Variants in UACA observed in about 807,000 individuals in gnomAD.
UACA encodes nuclear membrane binding protein.
A neutral mutation model predicts 160.5 loss-of-function variants in UACA; 112 were observed. The ratio of observed to expected loss-of-function variants is 0.70; its 90% confidence interval spans 0.60 to 0.82. The LOEUF is 0.82. UACA is among the 40% of genes least tolerant of loss of function. The pLI is 0.00. For synonymous variants in UACA, 557 were observed against 568.4 expected, an observed-to-expected ratio of 0.98 and a Z score of 0.29; for missense variants, 1,574 against 1,614.6, an observed-to-expected ratio of 0.97 and a Z score of 0.43.
intron 1 of UACA, among the ~76,000 whole-genome samples, chr15:70,748,556 T>C: frequency 6.6e-6 from 1 of 152,102 alleles, no homozygotes; most frequent in East Asian, 1.9e-4. Context: ...ATTTATAGAG[T>C]GCAGGTCCTT....
At chr15:70,770,318 G>A in the UACA span, among the ~76,000 whole-genome samples, 1 of 152,090 alleles carries the variant, frequency 6.6e-6, no homozygotes, top group East Asian at 1.9e-4. Flanking sequence ...ATATACAGTA[G>A]CATTATTCTG....
intron 1 of UACA, among the ~76,000 whole-genome samples, chr15:70,725,851 GAAGA>G (rs1465579746): frequency 3.9e-5 from 6 of 152,102 alleles, no homozygotes; most frequent in Non-Finnish European, 7.4e-5. Context: ...AACTTTGCTA[GAAGA>G]AAGAACCTGA....
chr15:70,769,938 C>T, the UACA span, among the ~76,000 whole-genome samples: 1 of 152,058 alleles, frequency 6.6e-6, no homozygotes, highest in Non-Finnish European at 1.5e-5. Context: ...CAGAGGTTGC[C>T]ATGAGCAGAG....
intron 1 of UACA, among the ~76,000 whole-genome samples, chr15:70,714,281 C>T (rs1336980552): frequency 6.6e-6 from 1 of 152,170 alleles, no homozygotes; most frequent in Non-Finnish European, 1.5e-5. Context: ...CTCCCACTTA[C>T]ATAACAGCAA....
chr15:70,703,878 C>T (rs1898450560), intron 1 of UACA, among the ~76,000 whole-genome samples: 1 of 152,132 alleles, frequency 6.6e-6, no homozygotes, highest in South Asian at 2.1e-4. Flanking sequence ...AGGTTCTTCC[C>T]TCCCCTACTT....
At chr15:70,749,171 C>A in intron 1 of UACA, 1 of 428,184 alleles carries the variant, frequency 2.3e-6, no homozygotes, top group Non-Finnish European at 4.7e-6. Flanking sequence ...CAGGTGGATC[C>A]TAGTTCATTG....
At chr15:70,766,919 A>G (rs559026862), upstream of UACA, among the ~76,000 whole-genome samples, 6 of 152,202 alleles carry the variant, frequency 3.9e-5, no homozygotes, top group Non-Finnish European at 7.3e-5. Flanking sequence ...ACGATGACAA[A>G]TATGATTTCT....
rs748668041 is a variant in UACA, at chr15:70,669,236, C to T, written c.1448G>A (p.Arg483Lys). 4 of 1,614,000 alleles carry T rather than the reference C, an allele frequency of 2.5e-6. No homozygotes were observed. The highest frequency in any genetic ancestry group is 1.7e-5 in the Admixed American group (1 of 60,012). Reference sequence around the variant, plus strand: ...CTGTTCATCTGAATCCTCCTTGACCCTTTCACATTCTAATGCTAAAGCTTT... The same window carrying T: ...CTGTTCATCTGAATCCTCCTTGACCTTTTCACATTCTAATGCTAAAGCTTT... ...ECKALALECE[R>K]VKEDSDEQIK... The change falls in exon 16 of 19, where the codon AGG (arginine) becomes AAG (lysine). Residue 483 changes from arginine (R) to lysine (K), a missense_variant. Transcript: ENST00000322954.
intron 1 of UACA, among the ~76,000 whole-genome samples, chr15:70,701,143 T>C (rs1475090970): frequency 6.6e-6 from 1 of 152,168 alleles, no homozygotes; most frequent in Non-Finnish European, 1.5e-5. Flanking sequence ...CTGGTTCAAG[T>C]ACCTACACAG....
chr15:70,664,873 T>A, intron 16 of UACA, 59 bp from the exon 17 acceptor site: 2 of 1,438,814 alleles, frequency 1.4e-6, no homozygotes, highest in Non-Finnish European at 1.9e-6. Flanking sequence ...AATGAACATC[T>A]TTGTACAGAA....
rs1276070195 is a variant in UACA at position 70,676,485 on chromosome 15, T to C, written c.1131+8A>G. ...TGAATTACAGGAAATAATTTATCCT[T>C]TCTATACCTCAAAATATTTAAATCT... On this transcript the variant is annotated splice_region_variant and intron_variant, in intron 13 of 18. Transcript: ENST00000322954. 1.9e-6 allele frequency: 3 copies of C among 1,577,398 alleles called. No homozygotes were observed. The highest frequency in any genetic ancestry group is 2.6e-6 in the Non-Finnish European group (3 of 1,149,724).
chr15:70,676,805 ATC>A (rs1217787912), intron 12 of UACA, among the ~76,000 whole-genome samples: 2 of 152,178 alleles, frequency 1.3e-5, no homozygotes, highest in South Asian at 2.1e-4. Flanking sequence ...AAAAATTCAA[ATC>A]TCTGTTTTCA....
chr15:70,669,069 T>A lies in UACA; in HGVS notation c.1615A>T (p.Thr539Ser). 1 of 1,614,124 alleles carries A rather than the reference T, an allele frequency of 6.2e-7. No homozygotes were observed. Among genetic ancestry groups the A allele is most frequent in the Non-Finnish European group, 8.5e-7 (1 of 1,180,016 alleles). The change falls in exon 16 of 19, where the codon ACC becomes TCC. Residue 539 changes from threonine to serine, a missense_variant. Coordinates refer to ENST00000322954, the MANE Select transcript of UACA (RefSeq NM_018003.4). ...TTCAACTGATCCTTCAGTTCCTCGG[T>A]TAGTCTGTGATTCCCTGAGGCTGCT... is the stretch of plus-strand genomic sequence containing the variant. ...SEAASGNHRLTEELKDQLKDL... is the reference protein window; with the variant it reads ...SEAASGNHRLSEELKDQLKDL...
intron 1 of UACA, among the ~76,000 whole-genome samples, chr15:70,740,033 A>G (rs2141001307): frequency 6.6e-6 from 1 of 152,340 alleles, no homozygotes; most frequent in South Asian, 2.1e-4. Flanking sequence ...CAACAAATCA[A>G]AATATACCTT....
intron 7 of UACA, among the ~76,000 whole-genome samples, chr15:70,685,972 G>A (rs138280132): frequency 0.015 from 2,316 of 151,878 alleles, 62 homozygotes; most frequent in African/African-American, 0.053. Flanking sequence ...ATGTGGTTTC[G>A]CCATGTTGGC....
the UACA span, among the ~76,000 whole-genome samples, chr15:70,777,251 A>G: frequency 6.6e-6 from 1 of 152,170 alleles, no homozygotes; most frequent in Non-Finnish European, 1.5e-5. Flanking sequence ...GGGAGGAAAT[A>G]GAGAAGGTCA....
chr15:70,677,794 CCT>C (rs752206198), intron 11 of UACA, among the ~76,000 whole-genome samples: 6 of 152,224 alleles, frequency 3.9e-5, no homozygotes, highest in East Asian at 1.9e-4. Flanking sequence ...TCTGGAATGC[CCT>C]CTGATTCCCT....
intron 8 of UACA, 47 bp downstream of exon 8, chr15:70,684,218 G>C: frequency 1.3e-6 from 2 of 1,508,260 alleles, no homozygotes; most frequent in Non-Finnish European, 8.9e-7. Context: ...TTAAAAAGTG[G>C]CTCTTTGTTA....
rs773114002 is a variant in UACA, at chr15:70,691,327, T to C, written c.338A>G (p.His113Arg). 3.7e-6 allele frequency: 6 copies of C among 1,609,812 alleles called. No homozygotes were observed. The African/African-American group carries it at 4.0e-5, about 11-fold the overall frequency. ...TAGAAGTTTTTGTAGGCACAATGCA[T>C]GTCCATACTTAGCAGCCAGGTGAAG... ...NALHLAAKYG[H>R]ALCLQKLLQY... The change falls in exon 4 of 19, where the codon CAT becomes CGT. Residue 113 changes from histidine (H) to arginine (R), a missense_variant. Physicochemically the swap from His to Arg is conservative, Grantham distance 29. Transcript: ENST00000322954.
Sources: allele counts gnomAD v4.1 joint callset (sites outside exome capture counted in the v4.1 genomes callset), GRCh38; gene constraint gnomAD v4.1.1; transcripts MANE v1.5; gene names NCBI Gene and HGNC (gene_info 2026-07-23, HGNC 2026-07-21).